HDAC4: variants seen among roughly 807,000 people sequenced by gnomAD.
HDAC4 encodes histone deacetylase A.
HDAC4 carries 16 observed loss-of-function variants against 135.1 expected under a neutral mutation model. The ratio of observed to expected loss-of-function variants is 0.12; its 90% CI spans 0.08 to 0.18. The LOEUF is 0.18. Among genes scored for constraint, HDAC4 ranks in the 10% least tolerant of loss-of-function variants. HDAC4 has a pLI of 1.00. For missense variants in HDAC4, 1,143 were observed against 1,511.8 expected (o/e 0.76, Z 4.05); for synonymous variants, 685 against 653.4 (o/e 1.05, Z -0.74).
At position 239,298,372 on chromosome 2, in the gene HDAC4, C is replaced by G; in HGVS notation, c.22+54306G>C. On this transcript the variant is annotated intron_variant, in intron 2 of 26. Transcript: ENST00000543185. ...CCAGAACCTGACACACAGTAGGGAT[C>G]CGGAATCGCCAGAGCTCTTGCACCT... 5.9e-6 allele frequency: 7 copies of G among 1,185,834 alleles called. No individual in the cohort carries two copies. The South Asian group carries it at 9.5e-5, about 16-fold the overall frequency. The allele number at this position is 1,185,834 out of a possible 1,614,324, so 73.5% of individuals were successfully genotyped here. A position where few individuals can be genotyped will look rare whatever the true frequency, so the allele number is the denominator to read the frequency against.
intron 5 of HDAC4, among the ~76,000 whole-genome samples, chr2:239,165,170 C>T (rs1412950758): frequency 6.6e-6 from 1 of 152,146 alleles, no homozygotes; most frequent in Non-Finnish European, 1.5e-5. Flanking sequence ...CTACAGTGAA[C>T]CAAGACTGTG....
At chr2:239,190,543 G>A (rs771652356) in intron 3 of HDAC4, among the ~76,000 whole-genome samples, 4 of 152,230 alleles carry the variant, frequency 2.6e-5, no homozygotes, top group African/African-American at 9.6e-5. Flanking sequence ...TTCCATCGAA[G>A]TCACCGTGCC....
At chr2:239,081,814 GA>G (rs1391097072) in intron 21 of HDAC4, among the ~76,000 whole-genome samples, 1 of 152,230 alleles carries the variant, frequency 6.6e-6, no homozygotes, top group African/African-American at 2.4e-5. Context: ...CTGCCCGGAG[GA>G]AAACGGGCAC....
chr2:239,255,277 T>C (rs1379640384), intron 2 of HDAC4, among the ~76,000 whole-genome samples: 2 of 149,250 alleles, frequency 1.3e-5, no homozygotes, highest in Admixed American at 1.4e-4. Flanking sequence ...CGAGACTATG[T>C]GTAATCTTGT....
chr2:239,159,439 C>T (rs539537061), intron 6 of HDAC4, among the ~76,000 whole-genome samples: 126 of 148,184 alleles, frequency 8.5e-4, no homozygotes, highest in African/African-American at 2.5e-3. Flanking sequence ...GCCTACCTCC[C>T]GCACTCACAC....
intron 15 of HDAC4, 61 bp from the exon 16 acceptor site, chr2:239,102,957 A>G: frequency 1.2e-6 from 2 of 1,607,158 alleles, no homozygotes; most frequent in African/African-American, 1.3e-5. Context: ...TCAGCTCCAC[A>G]GACAGAAACT....
chr2:239,271,167 G>A (rs2050038480), intron 2 of HDAC4, among the ~76,000 whole-genome samples: 1 of 152,192 alleles, frequency 6.6e-6, no homozygotes, highest in African/African-American at 2.4e-5. Flanking sequence ...AGGCTGGAAT[G>A]CAGTGGTGTG....
In HDAC4 at chr2:239,314,616, T is replaced by A. The variant is rs73100789; in HGVS notation, c.22+38062A>T. Among the ~76,000 whole-genome samples, 600 of 152,320 alleles carry A rather than the reference T, an allele frequency of 3.9e-3. 4 individuals carry two copies. The highest frequency in any genetic ancestry group is 0.014 in the African/African-American group (579 of 41,560). Reference sequence around the variant, plus strand: ...AGAAACAAAACTGTCATCATTAAAATTTAAAACTAAATGAGTGAGTTAACT... The same window carrying A: ...AGAAACAAAACTGTCATCATTAAAAATTAAAACTAAATGAGTGAGTTAACT... On this transcript the variant is annotated intron_variant, in intron 2 of 26. Coordinates refer to ENST00000543185, the MANE Select transcript of HDAC4 (RefSeq NM_001378414.1).
rs925824097 is a variant in HDAC4, at chr2:239,162,104, A to G, written c.611+1699T>C. The G allele has an allele frequency of 2.0e-5, 9 of 456,474 alleles. No individual in the cohort carries two copies. In the East Asian group the frequency reaches 4.2e-4, roughly 21 times the overall value. The allele number at this position is 456,474 out of a possible 1,614,324, so 28.3% of individuals were successfully genotyped here. ...ACCCTCTGGGGGCTGCCCTGTGCTC[A>G]CCGTGACCCCTGCTTCCCAGCAGCC... is the stretch of plus-strand genomic sequence containing the variant. On this transcript the variant is annotated intron_variant, in intron 6 of 26. Coordinates refer to ENST00000543185, the MANE Select transcript of HDAC4 (RefSeq NM_001378414.1).
intron 5 of HDAC4, among the ~76,000 whole-genome samples, chr2:239,172,586 T>C (rs2043524456): frequency 6.6e-6 from 1 of 151,884 alleles, no homozygotes; most frequent in Admixed American, 6.6e-5. Context: ...TGTATCTATA[T>C]CAAAAAGCTA....
rs1399177252 is a variant in HDAC4, at chr2:239,124,020, A to AG, written c.1533+2435dup. ...GAAGCAACGGGGGTGGGGTGGAGTG[A>AG]GGGGGGCACTTTCACAGGAGAGACA... On this transcript the variant is annotated intron_variant, in intron 12 of 26. Transcript: ENST00000543185. 4.0e-5 allele frequency among the ~76,000 whole-genome samples: 6 copies of AG among 150,972 alleles called. No individual in the cohort carries two copies. In the East Asian group the frequency reaches 7.8e-4, roughly 20 times the overall value.
intron 8 of HDAC4, among the ~76,000 whole-genome samples, chr2:239,140,328 G>A (rs868836265): frequency 7.9e-5 from 12 of 152,204 alleles, no homozygotes; most frequent in South Asian, 2.1e-4. Flanking sequence ...ACACACGCTC[G>A]GACAGTCTTA....
Position 239,052,485 on chromosome 2 carries a change from T to G in HDAC4, c.*612A>C, listed in dbSNP as rs1465258399. The G allele has an allele frequency of 6.5e-6, 1 of 152,846 alleles. No individual in the cohort carries two copies. The highest frequency in any genetic ancestry group is 1.9e-4 in the East Asian group (1 of 5,198). The allele number at this position is 152,846 out of a possible 1,614,324, so 9.5% of individuals were successfully genotyped here. ...TCAAGCCAGCTCCCCCAGCTCACAT[T>G]CCTGTTTCTGTCCAGTTTTGTTTTC... On this transcript the variant is annotated 3_prime_UTR_variant, in exon 27 of 27. Transcript: ENST00000543185.
intron 9 of HDAC4, among the ~76,000 whole-genome samples, chr2:239,135,755 C>G (rs557492935): frequency 2.0e-5 from 3 of 152,208 alleles, no homozygotes; most frequent in Non-Finnish European, 4.4e-5. Context: ...GCGGCTTCCC[C>G]GACACCTTGG....
chr2:239,353,724 G>A (rs764586789), intron 1 of HDAC4, among the ~76,000 whole-genome samples: 51 of 152,278 alleles, frequency 3.3e-4, no homozygotes, highest in Non-Finnish European at 2.2e-4. Context: ...AAAGGAAGCA[G>A]AGTATCTTCC....
intron 18 of HDAC4, among the ~76,000 whole-genome samples, chr2:239,088,838 A>G (rs924448500): frequency 1.3e-5 from 2 of 152,208 alleles, no homozygotes; most frequent in Non-Finnish European, 2.9e-5. Context: ...CTCACTACTT[A>G]TAAGACTTCT....
At chr2:239,140,542 T>C (rs893462638) in intron 8 of HDAC4, among the ~76,000 whole-genome samples, 2 of 152,214 alleles carry the variant, frequency 1.3e-5, no homozygotes, top group East Asian at 3.9e-4. Flanking sequence ...GTTTGGCTTG[T>C]CATATGTTTA....
chr2:239,096,559 CA>C (rs2037088874), intron 16 of HDAC4, among the ~76,000 whole-genome samples: 1 of 92,062 alleles, frequency 1.1e-5, no homozygotes, highest in African/African-American at 4.3e-5. Flanking sequence ...ACGCCCCCCA[CA>C]GACGCCTACA....
At chr2:239,396,954 G>A (rs1696600277) in intron 1 of HDAC4, among the ~76,000 whole-genome samples, 1 of 152,086 alleles carries the variant, frequency 6.6e-6, no homozygotes, top group Non-Finnish European at 1.5e-5. Flanking sequence ...GACTTTGCAG[G>A]AGAAGAACAT....
Sources: allele counts gnomAD v4.1 joint callset (sites outside exome capture counted in the v4.1 genomes callset), GRCh38; gene constraint gnomAD v4.1.1; transcripts MANE v1.5; gene names NCBI Gene and HGNC (gene_info 2026-07-23, HGNC 2026-07-21).